Variants in CCDC169 observed in about 807,000 individuals in gnomAD.
CCDC169 encodes coiled-coil domain-containing protein 169.
A neutral mutation model predicts 36.0 loss-of-function variants in CCDC169; 30 were observed. The observed-to-expected ratio is 0.83, with a 90% confidence interval of 0.62 to 1.13. The LOEUF (loss-of-function observed/expected upper bound fraction) is 1.13. Ranked by LOEUF, CCDC169 falls within the 50% of genes most tolerant of loss-of-function variation. The pLI is 0.00. For synonymous variants in CCDC169, 85 were observed against 81.5 expected (o/e 1.04, Z -0.23); for missense variants, 245 against 245.9 (o/e 1.00, Z 0.03).
chr13:36,225,130 A>C (rs1344602051), downstream of CCDC169: 1 of 152,216 alleles, frequency 6.6e-6, no homozygotes, highest in African/African-American at 2.4e-5. Context: ...CACCATATGC[A>C]AAAATTACCT....
chr13:36,243,753 C>A (rs1450977807), intron 7 of CCDC169, among the ~76,000 whole-genome samples: 1 of 152,136 alleles, frequency 6.6e-6, no homozygotes, highest in African/African-American at 2.4e-5. Context: ...TTGCAGTGAG[C>A]CAAGATCGCG....
At chr13:36,260,429 C>T (rs1365691481) in intron 4 of CCDC169, among the ~76,000 whole-genome samples, 3 of 152,032 alleles carry the variant, frequency 2.0e-5, no homozygotes, top group African/African-American at 7.2e-5. Context: ...GTGTATGGCA[C>T]TTTTTTTATA....
intron 6 of CCDC169, among the ~76,000 whole-genome samples, chr13:36,249,189 T>C (rs972472165): frequency 6.6e-6 from 1 of 152,176 alleles, no homozygotes; most frequent in African/African-American, 2.4e-5. Context: ...ATCTTAGAGA[T>C]GGCAAATGAA....
chr13:36,293,543 T>C (rs1879149207), intron 2 of CCDC169, among the ~76,000 whole-genome samples: 1 of 152,208 alleles, frequency 6.6e-6, no homozygotes, highest in Admixed American at 6.5e-5. Flanking sequence ...GTGCCAGTTC[T>C]GGGAGTAGCC....
chr13:36,254,058 T>C lies in CCDC169; in HGVS notation c.401A>G (p.Glu134Gly). The C allele has an allele frequency of 6.5e-7, 1 of 1,544,764 alleles. No homozygotes were observed. Residue 134 changes from glutamate to glycine, a missense_variant, in exon 5 of 8, where the codon GAA (glutamate) becomes GGA (glycine). Transcript: ENST00000239859. ...SQVKYYALKL[E>G]QESKAYQKIN... ...GTAAAAACAAACCTTTGATTCTTGTTCCAGTTTAAGTGCATAGTATTTCAC... is the reference window on the plus strand; with the variant it reads ...GTAAAAACAAACCTTTGATTCTTGTCCCAGTTTAAGTGCATAGTATTTCAC...
At chr13:36,294,048 A>C (rs1370054775) in intron 2 of CCDC169, among the ~76,000 whole-genome samples, 1 of 152,122 alleles carries the variant, frequency 6.6e-6, no homozygotes, top group Non-Finnish European at 1.5e-5. Context: ...CCTGAATTTC[A>C]TTCTTCCATA....
Position 36,248,675 on chromosome 13 carries a change from C to A in CCDC169, c.476G>T (p.Gly159Val). The A allele has an allele frequency of 1.3e-6, 2 of 1,549,886 alleles. No individual in the cohort carries two copies. Among genetic ancestry groups the A allele is most frequent in the African/African-American group, 1.4e-5 (1 of 73,084 alleles). The change falls in exon 7 of 8, where the codon GGT becomes GTT. Residue 159 changes from glycine (G) to valine (V), a missense_variant. Physicochemically the swap from Gly to Val is moderately radical, Grantham distance 109 (BLOSUM62 -3). Coordinates refer to ENST00000239859, the MANE Select transcript of CCDC169 (RefSeq NM_001144981.3). ...TTGCCTTTTAGAAACTTGATGTAAACCAGAACCCTGAAATACAAAAATTTG... is the reference window on the plus strand; with the variant it reads ...TTGCCTTTTAGAAACTTGATGTAAAACAGAACCCTGAAATACAAAAATTTG... The part of the protein sequence containing the change: ...TYLAEMSQGS[G>V]LHQVSKRQQV...
chr13:36,269,735 TA>T (rs1566079183), intron 4 of CCDC169, among the ~76,000 whole-genome samples: 16 of 152,098 alleles, frequency 1.1e-4, no homozygotes. Context: ...CACTTTGTGA[TA>T]AAAACTCTCA....
At chr13:36,243,296 T>G (rs1872084233) in intron 7 of CCDC169, among the ~76,000 whole-genome samples, 1 of 151,934 alleles carries the variant, frequency 6.6e-6, no homozygotes, top group African/African-American at 2.4e-5. Context: ...GGTCAGGAGT[T>G]CGAGACCAGC....
intron 7 of CCDC169, among the ~76,000 whole-genome samples, chr13:36,236,520 T>C (rs758500789): frequency 5.3e-5 from 8 of 151,934 alleles, no homozygotes; most frequent in Non-Finnish European, 1.0e-4. Context: ...AAAAGGGAGC[T>C]AAAACTATAA....
At chr13:36,235,947 G>T (rs9546815) in intron 7 of CCDC169, among the ~76,000 whole-genome samples, 61,516 of 151,738 alleles carry the variant, frequency 0.41, 13,237 homozygotes, top group Non-Finnish European at 0.48. Flanking sequence ...TTTAGCCAAA[G>T]AATTGCAAGA....
downstream of CCDC169, among the ~76,000 whole-genome samples, chr13:36,228,653 A>G (rs1257359877): frequency 6.6e-6 from 1 of 152,116 alleles, no homozygotes; most frequent in Non-Finnish European, 1.5e-5. Context: ...GCCTGGCTCA[A>G]GTGATCCTCC....
intron 4 of CCDC169, among the ~76,000 whole-genome samples, chr13:36,269,101 C>T (rs1875707842): frequency 7.1e-6 from 1 of 140,974 alleles, no homozygotes; most frequent in African/African-American, 2.6e-5. Context: ...AAGACTCCAA[C>T]TCAAATAAAA....
intron 4 of CCDC169, among the ~76,000 whole-genome samples, chr13:36,254,573 G>A (rs1873602591): frequency 6.6e-6 from 1 of 151,932 alleles, no homozygotes; most frequent in Admixed American, 6.6e-5. Flanking sequence ...CACTGCACCG[G>A]GCTAATGTGT....
At chr13:36,254,325 G>C (rs1048627705) in intron 4 of CCDC169, among the ~76,000 whole-genome samples, 182 bp from the exon 5 acceptor site, 4 of 148,986 alleles carry the variant, frequency 2.7e-5, no homozygotes, top group African/African-American at 9.9e-5. Flanking sequence ...ACCCAGGCTG[G>C]AGTGCAATGG....
At chr13:36,253,960 G>GTAAGCATTTTT (rs1254706375) in intron 5 of CCDC169, 85 bp downstream of exon 5, 1 of 1,530,826 alleles carries the variant, frequency 6.5e-7, no homozygotes, top group African/African-American at 1.4e-5. Flanking sequence ...AAATAGTTTT[G>GTAAGCATTTTT]TGTTAATTAT....
intron 7 of CCDC169, among the ~76,000 whole-genome samples, chr13:36,231,556 T>C (rs1199337160): frequency 1.3e-5 from 2 of 152,202 alleles, no homozygotes; most frequent in Non-Finnish European, 2.9e-5. Context: ...GGTGCCCTAA[T>C]GTGGAAAGTT....
intron 7 of CCDC169, 101 bp from the exon 8 acceptor site, chr13:36,231,393 C>T: frequency 1.8e-6 from 2 of 1,108,108 alleles, no homozygotes; most frequent in South Asian, 3.1e-5. Flanking sequence ...ACCTTGTTCC[C>T]CCCAACAGAC....
intron 7 of CCDC169, 84 bp from the exon 8 acceptor site, chr13:36,231,376 A>G (rs867499340): frequency 6.1e-6 from 8 of 1,304,284 alleles, no homozygotes; most frequent in Middle Eastern, 3.7e-4. Flanking sequence ...GAAGAAATGT[A>G]TATTGCACCT....
Sources: gnomAD v4.1 joint callset for allele counts (sites outside exome capture counted in the v4.1 genomes callset) on GRCh38, gnomAD v4.1.1 for gene constraint, MANE v1.5 for transcripts, NCBI Gene and HGNC (gene_info 2026-07-23, HGNC 2026-07-21) for gene names.